MAP2: variants seen among roughly 807,000 people sequenced by gnomAD.
MAP2 encodes microtubule-associated protein 2.
In MAP2, 14 loss-of-function variants were observed where a neutral mutation model predicts 137.6. The observed-to-expected ratio is 0.10, with a 90% CI of 0.07 to 0.16. The LOEUF (loss-of-function observed/expected upper bound fraction) is 0.16, where lower values mean the gene tolerates loss of function less well. MAP2 is among the 10% of genes least tolerant of loss of function. MAP2 has a pLI of 1.00. For missense variants in MAP2, 2,088 were observed against 2,191.5 expected (o/e 0.95, Z 0.94); for synonymous variants, 786 against 782.3 (o/e 1.00, Z -0.08).
At chr2:209,586,805 A>G (rs1432140830) in intron 3 of MAP2, among the ~76,000 whole-genome samples, 1 of 152,154 alleles carries the variant, frequency 6.6e-6, no homozygotes, top group Non-Finnish European at 1.5e-5. Context: ...TGATTAGTAA[A>G]AGGCTAGAAG....
chr2:209,656,081 T>C (rs1025157024), intron 5 of MAP2, among the ~76,000 whole-genome samples: 3 of 152,130 alleles, frequency 2.0e-5, no homozygotes, highest in Admixed American at 6.5e-5. Context: ...CTTACTTTTT[T>C]CCCCCTCATC....
chr2:209,584,600 CTG>C (rs1370504861), intron 3 of MAP2, among the ~76,000 whole-genome samples: 2 of 152,094 alleles, frequency 1.3e-5, no homozygotes, highest in East Asian at 1.9e-4. Flanking sequence ...TATGACCAAA[CTG>C]TGTTTTCAGA....
chr2:209,633,722 A>G (rs2093315247), intron 4 of MAP2, among the ~76,000 whole-genome samples: 1 of 152,102 alleles, frequency 6.6e-6, no homozygotes, highest in Non-Finnish European at 1.5e-5. Context: ...ATGAGCTGGA[A>G]TTGTGAGACC....
rs1272483661 is a variant in MAP2, at chr2:209,717,810, CA to C, written c.5073+7561del. Among the ~76,000 whole-genome samples the C allele has an allele frequency of 3.3e-5, 5 of 152,040 alleles. 1 individual carries two copies. The highest frequency in any genetic ancestry group is 1.2e-4 in the African/African-American group (5 of 41,424). ...TGAGGCATGGTCTCTGCAATCTAGG[CA>C]AAAAGGAGGTTTTTTGTTTTTTGTT... is the stretch of plus-strand genomic sequence containing the variant. On this transcript the variant is annotated intron_variant, in intron 13 of 15. Transcript: ENST00000682079.
chr2:209,541,828 TATTA>T (rs1186469494), intron 2 of MAP2, among the ~76,000 whole-genome samples: 8 of 152,248 alleles, frequency 5.3e-5, no homozygotes, highest in African/African-American at 1.9e-4. Flanking sequence ...ATGTACAGAA[TATTA>T]ATTCTTCACT....
intron 1 of MAP2, among the ~76,000 whole-genome samples, chr2:209,501,441 C>T (rs1166009042): frequency 6.6e-6 from 1 of 152,026 alleles, no homozygotes; most frequent in Non-Finnish European, 1.5e-5. Context: ...GAAGTCATTT[C>T]TCATTGGGGC....
rs71043933 is a variant in MAP2, at chr2:209,504,759, T to TC, written c.-221-2831dup. ...GCTGTGCAAGCTATCATTTTTTTTT[T>TC]CCTAGTGAATATTTAGATATAAATC... On this transcript the variant is annotated intron_variant, in intron 1 of 15. Transcript: ENST00000682079. Among the ~76,000 whole-genome samples, 3 of 152,158 alleles carry TC rather than the reference T, an allele frequency of 2.0e-5. No homozygotes were observed. In the East Asian group the frequency reaches 5.8e-4, roughly 29 times the overall value.
chr2:209,642,931 T>A (rs1282202677), intron 4 of MAP2, among the ~76,000 whole-genome samples: 3 of 152,220 alleles, frequency 2.0e-5, no homozygotes, highest in Non-Finnish European at 4.4e-5. Flanking sequence ...TATTTTGTGA[T>A]ACTGATATGC....
chr2:209,598,413 ATTTAT>A (rs1236607207), intron 3 of MAP2, among the ~76,000 whole-genome samples: 2 of 151,456 alleles, frequency 1.3e-5, no homozygotes, highest in East Asian at 3.9e-4. Flanking sequence ...TTTAAAATTT[ATTTAT>A]TTTATTTATT....
chr2:209,582,411 C>G (rs985041301), intron 3 of MAP2, among the ~76,000 whole-genome samples: 2 of 152,100 alleles, frequency 1.3e-5, no homozygotes, highest in African/African-American at 2.4e-5. Context: ...TCCCCTTTCA[C>G]TTTCATCAGC....
At chr2:209,593,905 A>AATATATAT (rs2080422487) in intron 3 of MAP2, among the ~76,000 whole-genome samples, 5 of 10,834 alleles carry the variant, frequency 4.6e-4, no homozygotes, top group Non-Finnish European at 1.6e-3. Flanking sequence ...AAAATATATA[A>AATATATAT]GTATATATTT....
chr2:209,552,130 A>T (rs2153300199), intron 2 of MAP2, among the ~76,000 whole-genome samples: 1 of 152,354 alleles, frequency 6.6e-6, no homozygotes, highest in South Asian at 2.1e-4. Context: ...AAATATTCTA[A>T]TTTCTTTCTC....
At chr2:209,687,876 T>C (rs2057558602) in intron 7 of MAP2, among the ~76,000 whole-genome samples, 1 of 152,150 alleles carries the variant, frequency 6.6e-6, no homozygotes, top group South Asian at 2.1e-4. Flanking sequence ...ATGAGCATCC[T>C]TTGTTCAGCT....
intron 2 of MAP2, among the ~76,000 whole-genome samples, chr2:209,510,799 G>A (rs1423328132): frequency 6.6e-6 from 1 of 152,094 alleles, no homozygotes; most frequent in Non-Finnish European, 1.5e-5. Flanking sequence ...GCCACTCTCA[G>A]CCTGGGAAGG....
At chr2:209,450,879 A>G (rs1700149858) in intron 1 of MAP2, among the ~76,000 whole-genome samples, 1 of 152,216 alleles carries the variant, frequency 6.6e-6, no homozygotes, top group Admixed American at 6.5e-5. Flanking sequence ...GAATGAGATT[A>G]GAAACTGGAA....
intron 2 of MAP2, among the ~76,000 whole-genome samples, chr2:209,554,384 C>A (rs986223625): frequency 6.6e-6 from 1 of 152,126 alleles, no homozygotes; most frequent in Non-Finnish European, 1.5e-5. Context: ...CTCTTCTACC[C>A]GAGGGTGTAG....
chr2:209,535,856 T>G (rs958612674), intron 2 of MAP2, among the ~76,000 whole-genome samples: 1 of 152,182 alleles, frequency 6.6e-6, no homozygotes, highest in Non-Finnish European at 1.5e-5. Context: ...CTCATTGTCT[T>G]CTCCTATAAG....
intron 2 of MAP2, among the ~76,000 whole-genome samples, chr2:209,544,349 A>G (rs556945011): frequency 1.3e-5 from 2 of 152,290 alleles, no homozygotes; most frequent in East Asian, 3.9e-4. Context: ...GACAAGAATA[A>G]CAAAATGGTA....
intron 1 of MAP2, among the ~76,000 whole-genome samples, chr2:209,443,932 G>A (rs1048676313): frequency 4.6e-5 from 7 of 151,422 alleles, no homozygotes; most frequent in Non-Finnish European, 8.9e-5. Context: ...ACATCACTTT[G>A]GATTCTTTAC....
Sources: gnomAD v4.1 joint callset for allele counts (sites outside exome capture counted in the v4.1 genomes callset) on GRCh38, gnomAD v4.1.1 for gene constraint, MANE v1.5 for transcripts, NCBI Gene and HGNC (gene_info 2026-07-23, HGNC 2026-07-21) for gene names.